HSD17B4: variants seen among roughly 807,000 people sequenced by gnomAD.
HSD17B4 encodes peroxisomal multifunctional enzyme type 2.
HSD17B4 carries 70 observed loss-of-function variants against 101.0 expected under a neutral mutation model. The ratio of observed to expected loss-of-function variants is 0.69; its 90% CI spans 0.57 to 0.85. HSD17B4 has a LOEUF of 0.85. HSD17B4 is among the 40% of genes least tolerant of loss of function. The pLI is 0.00. For missense variants in HSD17B4, 984 were observed against 892.4 expected (o/e 1.10, Z -1.31); for synonymous variants, 347 against 297.1 (o/e 1.17, Z -1.73).
chr5:119,479,159 G>T, intron 8 of HSD17B4, 138 bp downstream of exon 8: 1 of 645,454 alleles, frequency 1.5e-6, no homozygotes, highest in Non-Finnish European at 2.6e-6. Flanking sequence ...TGTAAATTGT[G>T]TTCATTGTGG....
chr5:119,496,431 C>T (rs1222987292), intron 11 of HSD17B4, 112 bp from the exon 12 acceptor site: 1 of 717,654 alleles, frequency 1.4e-6, no homozygotes, highest in Non-Finnish European at 2.5e-6. Context: ...AATGGAGGCT[C>T]TGTAGCAGGT....
Position 119,477,830 on chromosome 5 carries a change from G to A in HSD17B4, c.434+329G>A, listed in dbSNP as rs60041307. The A allele has an allele frequency of 1.3e-3, 356 of 282,150 alleles. 1 individual carries two copies. The highest frequency in any genetic ancestry group is 7.4e-3 in the African/African-American group (336 of 45,506). 17.5% of individuals were successfully genotyped at this position (282,150 alleles called of 1,614,324 possible). The stretch of plus-strand genomic sequence containing the variant: ...TACAGTGGCATGAACATGGCTCACT[G>A]TAGCCTTACCTCCTGGGCTCAAGCA... On this transcript the variant is annotated intron_variant, in intron 7 of 23. Coordinates refer to ENST00000510025, the MANE Select transcript of HSD17B4 (RefSeq NM_000414.4).
chr5:119,539,283 G>GT (rs1324447891), intron 23 of HSD17B4, among the ~76,000 whole-genome samples: 3 of 152,094 alleles, frequency 2.0e-5, no homozygotes, highest in African/African-American at 7.2e-5. Context: ...CATGTCCTTT[G>GT]TAGGGACATG....
At chr5:119,517,931 A>G (rs1028000016) in intron 17 of HSD17B4, among the ~76,000 whole-genome samples, 1 of 152,172 alleles carries the variant, frequency 6.6e-6, no homozygotes, top group Non-Finnish European at 1.5e-5. Flanking sequence ...CTCTGTATCT[A>G]GCTAATCTGA....
At chr5:119,525,153 T>A in intron 17 of HSD17B4, 63 bp from the exon 18 acceptor site, 1 of 1,110,182 alleles carries the variant, frequency 9.0e-7, no homozygotes, top group Non-Finnish European at 1.4e-6. Context: ...ATGTTTCCTA[T>A]TTTTCATTTA....
chr5:119,532,637 A>G (rs2636965), intron 22 of HSD17B4, among the ~76,000 whole-genome samples: 3,154 of 152,214 alleles, frequency 0.021, 92 homozygotes, highest in African/African-American at 0.071. Flanking sequence ...ATTTATTACT[A>G]TTAATTTCTA....
intron 17 of HSD17B4, 105 bp downstream of exon 17, chr5:119,515,151 AAT>A (rs1306056915): frequency 4.0e-6 from 3 of 745,534 alleles, no homozygotes; most frequent in Admixed American, 1.8e-5. Context: ...CATAATGAAT[AAT>A]ATGTTATTAT....
intron 1 of HSD17B4, 165 bp downstream of exon 1, chr5:119,452,798 G>A (rs1008590896): frequency 1.3e-6 from 2 of 1,540,694 alleles, no homozygotes; most frequent in East Asian, 2.4e-5. Context: ...GGAAAGAGCC[G>A]GAAACACCTG....
In HSD17B4 at chr5:119,541,913, T is replaced by C. The variant is rs1359422235; in HGVS notation, c.2130T>C (p.Phe710=). The C allele has an allele frequency of 5.6e-6, 9 of 1,608,548 alleles. No homozygotes were observed. The highest frequency in any genetic ancestry group is 1.7e-5 in the Admixed American group (1 of 59,882). ...LGKLDPQKAF[F]SGRLKARGNI... ...CCCTCCTCTCCTTGCAGGCATTCTT[T>C]AGTGGCAGGCTGAAGGCCAGAGGGA... The change falls in exon 24 of 24, where the codon TTT becomes TTC. Residue 710 remains phenylalanine, a synonymous_variant. Coordinates refer to ENST00000510025, the MANE Select transcript of HSD17B4 (RefSeq NM_000414.4).
In HSD17B4 at chr5:119,475,993, A is replaced by T. The variant is rs34061771; in HGVS notation, c.349+123A>T. 2,712 of 727,750 alleles carry T rather than the reference A, an allele frequency of 3.7e-3. 52 individuals carry two copies. In the African/African-American group the frequency reaches 0.041, roughly 11 times the overall value. 45.1% of individuals were successfully genotyped at this position (727,750 alleles called of 1,614,324 possible). A position where few individuals can be genotyped will look rare whatever the true frequency, so the allele number is the denominator to read the frequency against. ...TCTACTTTTGCTGCTAATATAAATG[A>T]TGAGTAAACTGTATACTGAAGACAA... is the stretch of plus-strand genomic sequence containing the variant. On this transcript the variant is annotated intron_variant, in intron 6 of 23. Transcript: ENST00000510025.
chr5:119,478,189 A>G (rs1748773422), intron 7 of HSD17B4: 1 of 154,632 alleles, frequency 6.5e-6, no homozygotes, highest in Non-Finnish European at 1.4e-5. Context: ...ACCCCTCATG[A>G]TTGCTCCTAG....
chr5:119,500,187 C>T (rs1751028879), intron 13 of HSD17B4, among the ~76,000 whole-genome samples: 1 of 151,898 alleles, frequency 6.6e-6, no homozygotes, highest in Non-Finnish European at 1.5e-5. Flanking sequence ...AGCATGAAAG[C>T]AGAGAAACCA....
chr5:119,505,007 G>A (rs535050588), intron 14 of HSD17B4, among the ~76,000 whole-genome samples: 26 of 152,098 alleles, frequency 1.7e-4, no homozygotes, highest in Non-Finnish European at 2.6e-4. Flanking sequence ...TGAATAGGGA[G>A]TCCTTTCCCC....
intron 11 of HSD17B4, 21 bp from the exon 12 acceptor site, chr5:119,496,522 G>GT (rs764806999): frequency 2.4e-6 from 3 of 1,228,132 alleles, no homozygotes; most frequent in Admixed American, 3.4e-5. Context: ...TATTTTTTTT[G>GT]TTTTTCATTT....
chr5:119,537,902 T>A (rs1754665761), intron 23 of HSD17B4, among the ~76,000 whole-genome samples: 1 of 152,170 alleles, frequency 6.6e-6, no homozygotes, highest in Admixed American at 6.6e-5. Context: ...AAATAGGTTG[T>A]TTAAAATACC....
chr5:119,516,565 A>C (rs1038922415), intron 17 of HSD17B4, among the ~76,000 whole-genome samples: 2 of 152,158 alleles, frequency 1.3e-5, no homozygotes, highest in African/African-American at 4.8e-5. Context: ...AATAATGGGC[A>C]CTCATCATTT....
chr5:119,517,368 C>T (rs557679659), intron 17 of HSD17B4, among the ~76,000 whole-genome samples: 41 of 152,344 alleles, frequency 2.7e-4, no homozygotes, highest in African/African-American at 9.1e-4. Flanking sequence ...ACCTGCAGCC[C>T]GCCATGCCTG....
intron 8 of HSD17B4, among the ~76,000 whole-genome samples, chr5:119,487,940 A>G (rs145976347): frequency 1.3e-5 from 2 of 152,132 alleles, no homozygotes; most frequent in African/African-American, 4.8e-5. Context: ...TGCCATTGGA[A>G]TGCTTGTGTA....
rs1421289638 is a variant in HSD17B4 at position 119,527,113 on chromosome 5, C to G, written c.1681-20C>G. The G allele has an allele frequency of 6.9e-7, 1 of 1,444,152 alleles. No homozygotes were observed. The highest frequency in any genetic ancestry group is 9.7e-7 in the Non-Finnish European group (1 of 1,026,292). The allele number at this position is 1,444,152 out of a possible 1,614,324, so 89.5% of individuals were successfully genotyped here. A position where few individuals can be genotyped will look rare whatever the true frequency, so the allele number is the denominator to read the frequency against. On this transcript the variant is annotated intron_variant, in intron 19 of 23. Transcript: ENST00000510025. Reference sequence around the variant, plus strand: ...AGTTTCCTTTTAAAACATTTTTAACCCCACAATTCTTTTTTAAAGGCTCGT... The same window carrying G: ...AGTTTCCTTTTAAAACATTTTTAACGCCACAATTCTTTTTTAAAGGCTCGT...
Sources: allele counts gnomAD v4.1 joint callset (sites outside exome capture counted in the v4.1 genomes callset), GRCh38; gene constraint gnomAD v4.1.1; transcripts MANE v1.5; gene names NCBI Gene and HGNC (gene_info 2026-07-23, HGNC 2026-07-21).